The following SYNE3 variants were observed in gnomAD, a reference collection of about 807,000 sequenced individuals.
The protein encoded by SYNE3 is spectrin repeat containing nuclear envelope family member 3, also known as nesprin-3.
A neutral mutation model predicts 111.2 loss-of-function variants in SYNE3; 100 were observed. The observed-to-expected ratio is 0.90, with a 90% CI of 0.77 to 1.06. The LOEUF is 1.06. Ranked by LOEUF, SYNE3 falls within the 50% of genes least tolerant of loss-of-function variation. The pLI is 0.00. For synonymous variants in SYNE3, 547 were observed against 533.9 expected (o/e 1.02, Z -0.34); for missense variants, 1,160 against 1,240.3 (o/e 0.94, Z 0.97).
At chr14:95,511,286 G>A (rs1376277917) in intron 1 of SYNE3, among the ~76,000 whole-genome samples, 6 of 152,240 alleles carry the variant, frequency 3.9e-5, no homozygotes, top group Non-Finnish European at 5.9e-5. Flanking sequence ...AGGACTTCCT[G>A]TAGGAAAGAA....
chr14:95,491,618 A>C (rs1889852566), intron 1 of SYNE3, among the ~76,000 whole-genome samples: 1 of 152,144 alleles, frequency 6.6e-6, no homozygotes, highest in Admixed American at 6.5e-5. Context: ...AAGCTACAAA[A>C]CTCTGAAGAA....
At chr14:95,418,913 T>G (rs899283208) in intron 17 of SYNE3, among the ~76,000 whole-genome samples, 4 of 152,110 alleles carry the variant, frequency 2.6e-5, no homozygotes, top group Non-Finnish European at 5.9e-5. Context: ...CTCTCTTCTT[T>G]TCCTCCCTCT....
At chr14:95,514,853 C>T (rs1890857193) in intron 1 of SYNE3, among the ~76,000 whole-genome samples, 1 of 152,216 alleles carries the variant, frequency 6.6e-6, no homozygotes, top group Admixed American at 6.5e-5. Context: ...CCCGGGGCCG[C>T]CAAGCCAGGG....
intron 5 of SYNE3, 33 bp from the exon 6 acceptor site, chr14:95,455,757 G>C (rs772525317): frequency 6.3e-7 from 1 of 1,599,514 alleles, no homozygotes; most frequent in South Asian, 1.1e-5. Flanking sequence ...GGAAAAACAG[G>C]CAGGGAAAAA....
intron 17 of SYNE3, among the ~76,000 whole-genome samples, chr14:95,423,260 T>C (rs951217651): frequency 6.6e-6 from 1 of 152,100 alleles, no homozygotes; most frequent in Admixed American, 6.6e-5. Context: ...TGGAGTGATA[T>C]TGTCATTACT....
intron 8 of SYNE3, 93 bp from the exon 9 acceptor site, chr14:95,446,184 T>C: frequency 5.5e-6 from 8 of 1,451,280 alleles, no homozygotes; most frequent in Non-Finnish European, 7.5e-6. Flanking sequence ...TGCAACTGCT[T>C]AGGAAGCTCA....
At chr14:95,467,371 G>A (rs1888253182) in intron 3 of SYNE3, among the ~76,000 whole-genome samples, 1 of 152,126 alleles carries the variant, frequency 6.6e-6, no homozygotes, top group Non-Finnish European at 1.5e-5. Context: ...AAACCACATA[G>A]GAAGTAACCA....
Position 95,413,192 on chromosome 14 carries a change from C to CT in SYNE3, c.*4633dup, listed in dbSNP as rs1457388135. The CT allele has an allele frequency of 3.4e-5, 2 of 59,688 alleles. No homozygotes were observed. The highest frequency in any genetic ancestry group is 8.9e-4 in the East Asian group (2 of 2,254). 3.7% of individuals were successfully genotyped at this position (59,688 alleles called of 1,614,324 possible). A position where few individuals can be genotyped will look rare whatever the true frequency, so the allele number is the denominator to read the frequency against. On this transcript the variant is annotated 3_prime_UTR_variant, in exon 18 of 18. Coordinates refer to ENST00000682763, the MANE Select transcript of SYNE3 (RefSeq NM_152592.6). ...CCTCCCTCCCTTCCTCCTTTTCTCT[C>CT]TCTTCTCTCTGTCTCTTTTGCTCTC...
chr14:95,443,324 C>A, intron 10 of SYNE3, 35 bp from the exon 11 acceptor site: 1 of 1,612,806 alleles, frequency 6.2e-7, no homozygotes, highest in Admixed American at 1.7e-5. Flanking sequence ...GGCTAATCTT[C>A]CCACCTCTCC....
rs1467660694 is a variant in SYNE3, at chr14:95,470,600, AT to A, written c.145-2634del. Among the ~76,000 whole-genome samples, 1 of 151,920 alleles carries A rather than the reference AT, an allele frequency of 6.6e-6. No individual in the cohort carries two copies. The highest frequency in any genetic ancestry group is 1.5e-5 in the Non-Finnish European group (1 of 67,974). On this transcript the variant is annotated intron_variant, in intron 2 of 17. Transcript: ENST00000682763. This position sits in a 1 kb window ranked among gnomAD's most constrained non-coding sequence, Gnocchi z 4.2. ...CAGGAGGTTGAGGCTGCAGTGAGCC[AT>A]GATCACACTACTGCACTCAAGCCTG... is the stretch of plus-strand genomic sequence containing the variant.
chr14:95,410,017 A>G lies in SYNE3; in HGVS notation c.*7809T>C, dbSNP rs1015599477. On this transcript the variant is annotated 3_prime_UTR_variant, in exon 18 of 18. Transcript: ENST00000682763. ...GCCTGGGCTGAATCCAAACACAAAG[A>G]AAGTGTTCAAAAGCTTAGCCCTGGG... 3 of 154,698 alleles carry G rather than the reference A, an allele frequency of 1.9e-5. No homozygotes were observed. Among genetic ancestry groups the G allele is most frequent in the Admixed American group, 1.3e-4 (2 of 15,788 alleles). The allele number at this position is 154,698 out of a possible 1,614,324, so 9.6% of individuals were successfully genotyped here.
chr14:95,487,661 C>T (rs529672837), intron 1 of SYNE3, among the ~76,000 whole-genome samples: 2 of 152,260 alleles, frequency 1.3e-5, no homozygotes, highest in South Asian at 4.2e-4. Context: ...TGAACATACC[C>T]GCCTCCCCTT....
At chr14:95,459,279 T>G (rs1335042929) in intron 4 of SYNE3, among the ~76,000 whole-genome samples, 1 of 152,238 alleles carries the variant, frequency 6.6e-6, no homozygotes, top group African/African-American at 2.4e-5. Context: ...TTTGAAAATG[T>G]GAAAGCCATT....
chr14:95,436,530 C>T (rs1244486883), intron 15 of SYNE3, among the ~76,000 whole-genome samples: 1 of 152,204 alleles, frequency 6.6e-6, no homozygotes, highest in Non-Finnish European at 1.5e-5. Flanking sequence ...TTATCAGCCA[C>T]AAACTGTTGG....
chr14:95,516,479 G>A (rs1330912789), intron 1 of SYNE3, among the ~76,000 whole-genome samples, 117 bp downstream of exon 1: 1 of 151,518 alleles, frequency 6.6e-6, no homozygotes, highest in African/African-American at 2.4e-5. Context: ...GACTTTCGGC[G>A]CCCCCGATTC....
At chr14:95,418,112 G>A in intron 17 of SYNE3, 86 bp from the exon 18 acceptor site, 1 of 1,403,336 alleles carries the variant, frequency 7.1e-7, no homozygotes, top group Non-Finnish European at 9.9e-7. Context: ...GATGCCAGGA[G>A]CGGTGGTAGC....
chr14:95,486,772 A>G (rs759004490), intron 1 of SYNE3, among the ~76,000 whole-genome samples: 4 of 152,156 alleles, frequency 2.6e-5, no homozygotes, highest in Non-Finnish European at 5.9e-5. Context: ...GGACTGTGCC[A>G]AAATATAGGG....
At chr14:95,453,488 C>G (rs187110862) in intron 6 of SYNE3, among the ~76,000 whole-genome samples, 3 of 152,328 alleles carry the variant, frequency 2.0e-5, no homozygotes, top group Admixed American at 2.0e-4. Flanking sequence ...ACTATGTAGG[C>G]AGAAGGACAC....
chr14:95,506,936 G>A (rs531772662), intron 1 of SYNE3, among the ~76,000 whole-genome samples: 10 of 152,260 alleles, frequency 6.6e-5, no homozygotes, highest in African/African-American at 1.2e-4. Context: ...CATCAAAGTC[G>A]AAAGTCAAAC....
Sources: gnomAD v4.1 joint callset for allele counts (sites outside exome capture counted in the v4.1 genomes callset) on GRCh38, gnomAD v4.1.1 for gene constraint, Gnocchi (gnomAD v3.1) non-coding constraint, MANE v1.5 for transcripts, NCBI Gene and HGNC (gene_info 2026-07-23, HGNC 2026-07-21) for gene names.